The following TAFA5 variants were observed in gnomAD, a reference collection of about 807,000 sequenced individuals.
The protein encoded by TAFA5 is TAFA chemokine like family member 5, also known as chemokine-like protein TAFA-5.
TAFA5 carries 6 observed loss-of-function variants against 15.3 expected under a neutral mutation model. The observed-to-expected ratio is 0.39, with a 90% confidence interval of 0.21 to 0.77. TAFA5 has a LOEUF of 0.77. Ranked by LOEUF, TAFA5 falls within the 30% of genes least tolerant of loss-of-function variation. The probability of loss-of-function intolerance (pLI) is 0.41; values close to 1 mark genes in which losing one functional copy is unlikely to be tolerated. For synonymous variants in TAFA5, 103 were observed against 80.7 expected, an observed-to-expected ratio of 1.28 and a Z score of -1.48; for missense variants, 161 against 193.1, an observed-to-expected ratio of 0.83 and a Z score of 0.98.
intron 2 of TAFA5, among the ~76,000 whole-genome samples, chr22:48,661,547 G>A (rs1927441618): frequency 6.6e-6 from 1 of 152,192 alleles, no homozygotes; most frequent in Non-Finnish European, 1.5e-5. Flanking sequence ...ATCTCCCTGG[G>A]TTCAGAGCCT....
intron 1 of TAFA5, chr22:48,544,709 G>A (rs1326871337): frequency 2.1e-6 from 1 of 471,314 alleles, no homozygotes; most frequent in South Asian, 1.5e-5. Flanking sequence ...CGCAGATGAG[G>A]GTGCATGTTG....
chr22:48,710,890 C>T (rs192088124), intron 3 of TAFA5, among the ~76,000 whole-genome samples: 31 of 152,276 alleles, frequency 2.0e-4, no homozygotes, highest in Admixed American at 1.6e-3. Context: ...GCTGGGTGAG[C>T]TGGAGTGACT....
intron 3 of TAFA5, among the ~76,000 whole-genome samples, chr22:48,745,464 C>T (rs1930302252): frequency 2.0e-5 from 3 of 149,432 alleles, no homozygotes; most frequent in South Asian, 2.1e-4. Flanking sequence ...TGGGCACACA[C>T]GGCTTTGTCG....
chr22:48,672,921 C>T (rs574270045), intron 2 of TAFA5, among the ~76,000 whole-genome samples: 7 of 152,302 alleles, frequency 4.6e-5, no homozygotes, highest in South Asian at 2.1e-4. Flanking sequence ...ATAAAGACCA[C>T]GGTCCTAATG....
At chr22:48,501,088 C>A (rs1920948937) in intron 1 of TAFA5, among the ~76,000 whole-genome samples, 1 of 152,220 alleles carries the variant, frequency 6.6e-6, no homozygotes, top group Non-Finnish European at 1.5e-5. Flanking sequence ...CACCCTTCCC[C>A]CGCCACCAGA....
intron 1 of TAFA5, among the ~76,000 whole-genome samples, chr22:48,510,388 T>C (rs1468578700): frequency 6.6e-6 from 1 of 152,210 alleles, no homozygotes; most frequent in Non-Finnish European, 1.5e-5. Context: ...AGACAAAAGA[T>C]ATGAATAGAT....
chr22:48,729,776 A>C (rs1487720738), intron 3 of TAFA5, among the ~76,000 whole-genome samples: 2 of 147,964 alleles, frequency 1.4e-5, no homozygotes, highest in Non-Finnish European at 3.0e-5. Flanking sequence ...ATTTAAATAT[A>C]AATATATAAA....
At chr22:48,725,675 T>A (rs1601700627) in intron 3 of TAFA5, among the ~76,000 whole-genome samples, 3 of 113,374 alleles carry the variant, frequency 2.6e-5, no homozygotes, top group South Asian at 5.3e-4. Context: ...CTGCAGAAAA[T>A]CAAAACAGTG....
rs115819558 is a variant in TAFA5, at chr22:48,599,035, C to G, written c.113-47562C>G. Among the ~76,000 whole-genome samples, 514 of 152,260 alleles carry G rather than the reference C, an allele frequency of 3.4e-3. 3 individuals are homozygous for G. Among genetic ancestry groups the G allele is most frequent in the African/African-American group, 0.012 (491 of 41,562 alleles). ...CAGGGGAGGGGCGTGGGTGCTGAGCCCCCATGTCCTCTCTGGGCAAGCCGT... is the reference window on the plus strand; with the variant it reads ...CAGGGGAGGGGCGTGGGTGCTGAGCGCCCATGTCCTCTCTGGGCAAGCCGT... On this transcript the variant is annotated intron_variant, in intron 1 of 3. Transcript: ENST00000402357.
chr22:48,709,069 A>G (rs999109686), intron 3 of TAFA5, among the ~76,000 whole-genome samples: 26 of 152,184 alleles, frequency 1.7e-4, no homozygotes, highest in Non-Finnish European at 1.6e-4. Context: ...CGGCACTCCA[A>G]GCCCCCCATG....
At chr22:48,639,545 G>A (rs1926598258) in intron 1 of TAFA5, among the ~76,000 whole-genome samples, 1 of 152,178 alleles carries the variant, frequency 6.6e-6, no homozygotes, top group East Asian at 1.9e-4. Flanking sequence ...CTGAGGGCCT[G>A]TTTCCCGCCA....
chr22:48,605,448 T>C (rs1925156758), intron 1 of TAFA5, among the ~76,000 whole-genome samples: 1 of 149,878 alleles, frequency 6.7e-6, no homozygotes. Context: ...GTGGTGGTGA[T>C]GGCAATGGTG....
intron 1 of TAFA5, among the ~76,000 whole-genome samples, chr22:48,616,496 C>T (rs1353968183): frequency 6.6e-6 from 1 of 152,162 alleles, no homozygotes; most frequent in African/African-American, 2.4e-5. Context: ...GTCACCCGCC[C>T]ATGCACTCGG....
intron 1 of TAFA5, among the ~76,000 whole-genome samples, chr22:48,633,663 G>C (rs1926329678): frequency 6.6e-6 from 1 of 152,026 alleles, no homozygotes. Context: ...CTTCTCTAGG[G>C]AGGGATTGGT....
At chr22:48,498,869 G>T (rs756386298) in intron 1 of TAFA5, among the ~76,000 whole-genome samples, 4 of 151,922 alleles carry the variant, frequency 2.6e-5, no homozygotes, top group Non-Finnish European at 5.9e-5. Flanking sequence ...ACTTGTGCTG[G>T]TATTTCCTGG....
At position 48,642,632 on chromosome 22, in the gene TAFA5, A is replaced by G. The variant is rs118137134; in HGVS notation, c.113-3965A>G. ...GTGGGCAGAGATTGGGGTGTGTGGGAGTGTACATGCCGTGTGTGTGACTGT... is the reference window on the plus strand; with the variant it reads ...GTGGGCAGAGATTGGGGTGTGTGGGGGTGTACATGCCGTGTGTGTGACTGT... On this transcript the variant is annotated intron_variant, in intron 1 of 3. Transcript: ENST00000402357. Among the ~76,000 whole-genome samples, 318 of 151,748 alleles carry G rather than the reference A, an allele frequency of 2.1e-3. 7 individuals are homozygous for G. In the East Asian group the frequency reaches 0.053, roughly 25 times the overall value.
chr22:48,686,389 G>A (rs1928354844), intron 2 of TAFA5, among the ~76,000 whole-genome samples: 2 of 152,192 alleles, frequency 1.3e-5, no homozygotes, highest in East Asian at 3.9e-4. Flanking sequence ...TCTTCTGGCT[G>A]TGTCCTCACA....
At chr22:48,527,765 G>C (rs1369554959) in intron 1 of TAFA5, among the ~76,000 whole-genome samples, 1 of 152,228 alleles carries the variant, frequency 6.6e-6, no homozygotes, top group Admixed American at 6.5e-5. Flanking sequence ...TCTGTCGTGT[G>C]GTTGAGGGGA....
intron 1 of TAFA5, among the ~76,000 whole-genome samples, chr22:48,535,214 C>T (rs2147115172): frequency 6.6e-6 from 1 of 152,308 alleles, no homozygotes; most frequent in African/African-American, 2.4e-5. Context: ...GATCACCCCA[C>T]CACTGTAGTA....
Sources: gnomAD v4.1 joint callset for allele counts (sites outside exome capture counted in the v4.1 genomes callset) on GRCh38, gnomAD v4.1.1 for gene constraint, MANE v1.5 for transcripts, NCBI Gene and HGNC (gene_info 2026-07-23, HGNC 2026-07-21) for gene names.